Variants in CALD1 observed in about 807,000 individuals in gnomAD.
CALD1 encodes caldesmon 1, also known as caldesmon.
CALD1 carries 33 observed loss-of-function variants against 99.9 expected under a neutral mutation model. That is an observed-to-expected ratio of 0.33 (90% CI 0.25 to 0.44). The LOEUF (loss-of-function observed/expected upper bound fraction) is 0.44. Among genes scored for constraint, CALD1 ranks in the 20% least tolerant of loss-of-function variants. CALD1 has a pLI of 1.00. For missense variants in CALD1, 861 were observed against 962.1 expected, an observed-to-expected ratio of 0.89 and a Z score of 1.39; for synonymous variants, 310 against 325.0, an observed-to-expected ratio of 0.95 and a Z score of 0.50.
intron 1 of CALD1, among the ~76,000 whole-genome samples, chr7:134,812,017 A>T (rs1289466954): frequency 6.6e-6 from 1 of 152,220 alleles, no homozygotes; most frequent in East Asian, 1.9e-4. Flanking sequence ...GAAGTGGATG[A>T]TTTAAATATC....
intron 1 of CALD1, among the ~76,000 whole-genome samples, chr7:134,796,502 T>C (rs1314440099): frequency 6.6e-6 from 1 of 152,182 alleles, no homozygotes; most frequent in Non-Finnish European, 1.5e-5. Flanking sequence ...GAGTTTCCAA[T>C]AATCATCTCA....
At chr7:134,730,321 G>A in the CALD1 span, among the ~76,000 whole-genome samples, 4 of 151,318 alleles carry the variant, frequency 2.6e-5, no homozygotes, top group East Asian at 1.9e-4. Context: ...AAAGAGAACC[G>A]AAAGAAACAA....
chr7:134,744,352 C>T (rs1311712826), exon 1 of CALD1: 1 of 151,968 alleles, frequency 6.6e-6, no homozygotes, highest in Non-Finnish European at 1.5e-5. Context: ...TAGTGTGCAG[C>T]TTGAAATGCA....
At chr7:134,931,168 A>C (rs1264887529) in intron 4 of CALD1, among the ~76,000 whole-genome samples, 1 of 152,230 alleles carries the variant, frequency 6.6e-6, no homozygotes, top group Non-Finnish European at 1.5e-5. Flanking sequence ...AGCCACAAGA[A>C]GAATAAGTCT....
chr7:134,933,644 G>A lies in CALD1; in HGVS notation c.875G>A (p.Arg292Gln), dbSNP rs754746969. Residue 292 changes from arginine (R) to glutamine (Q), a missense_variant, in exon 5 of 15, where the codon CGA (arginine) becomes CAA (glutamine). Arg to Gln is a conservative substitution (Grantham distance 43). Transcript: ENST00000361675. ...CAAGACAAAAAGATAGCAGATGAAC[G>A]AGCAAGAATTGAAGCAGAAGAAAAA... ...AEQDKKIADERARIEAEEKAA... is the reference protein window; with the variant it reads ...AEQDKKIADEQARIEAEEKAA... 3.1e-6 allele frequency: 5 copies of A among 1,607,798 alleles called. No individual in the cohort carries two copies. The East Asian group carries it at 8.9e-5, about 29-fold the overall frequency.
upstream of CALD1, among the ~76,000 whole-genome samples, chr7:134,744,085 CGAG>C (rs1796613783): frequency 6.6e-6 from 1 of 152,104 alleles, no homozygotes; most frequent in African/African-American, 2.4e-5. Flanking sequence ...AGGGGAAGAC[CGAG>C]GAGAGAAGAT....
intron 13 of CALD1, chr7:134,962,525 C>T (rs1223611073): frequency 8.1e-6 from 2 of 248,214 alleles, no homozygotes; most frequent in Non-Finnish European, 1.6e-5. Context: ...TGAGATCCTT[C>T]TTCCCATTAG....
chr7:134,901,890 C>A (rs1056867133), intron 3 of CALD1, among the ~76,000 whole-genome samples: 5 of 152,114 alleles, frequency 3.3e-5, no homozygotes, highest in Admixed American at 2.0e-4. Context: ...ATCCTAATGA[C>A]CTCATCTTGA....
intron 1 of CALD1, among the ~76,000 whole-genome samples, chr7:134,761,366 G>A (rs975903305): frequency 9.9e-5 from 15 of 152,044 alleles, no homozygotes; most frequent in South Asian, 4.2e-4. Context: ...AAAGTTCTGC[G>A]GCTGCTGCTG....
chr7:134,961,542 A>G (rs1808265837), intron 13 of CALD1: 1 of 152,238 alleles, frequency 6.6e-6, no homozygotes, highest in Non-Finnish European at 1.5e-5. Flanking sequence ...CTCCAAAGTC[A>G]TTAAATTTTG....
chr7:134,722,947 C>T, the CALD1 span, among the ~76,000 whole-genome samples: 145 of 152,308 alleles, frequency 9.5e-4, 1 homozygote, highest in Non-Finnish European at 1.2e-3. Flanking sequence ...GAGAGCCCAG[C>T]TGCTCTAGAA....
intron 3 of CALD1, among the ~76,000 whole-genome samples, chr7:134,922,944 A>G (rs1489877603): frequency 6.6e-6 from 1 of 152,216 alleles, no homozygotes; most frequent in Non-Finnish European, 1.5e-5. Flanking sequence ...TTATCTTGTA[A>G]CACCAGGGCC....
intron 3 of CALD1, among the ~76,000 whole-genome samples, chr7:134,904,552 G>A (rs1369321092): frequency 6.6e-6 from 1 of 151,972 alleles, no homozygotes; most frequent in African/African-American, 2.4e-5. Flanking sequence ...GTGACACAGT[G>A]AGATGGTGTC....
At chr7:134,810,466 G>T (rs111336038) in intron 1 of CALD1, among the ~76,000 whole-genome samples, 2 of 152,146 alleles carry the variant, frequency 1.3e-5, no homozygotes, top group Non-Finnish European at 2.9e-5. Flanking sequence ...CATGCATGCT[G>T]TTTTTCAAAG....
chr7:134,718,945 T>C, the CALD1 span, among the ~76,000 whole-genome samples: 4 of 152,188 alleles, frequency 2.6e-5, no homozygotes, highest in Non-Finnish European at 2.9e-5. Flanking sequence ...AATAATTACC[T>C]TTTACTGGGA....
At chr7:134,854,416 T>C (rs2132238887) in intron 2 of CALD1, among the ~76,000 whole-genome samples, 1 of 152,294 alleles carries the variant, frequency 6.6e-6, no homozygotes, top group East Asian at 1.9e-4. Context: ...AATATTTTTA[T>C]TAAAGTTCTC....
At chr7:134,958,162 A>C (rs1410060307) in intron 10 of CALD1, 47 bp from the exon 11 acceptor site, 2 of 1,608,240 alleles carry the variant, frequency 1.2e-6, no homozygotes, top group Non-Finnish European at 1.7e-6. Context: ...CATATGTATG[A>C]GAAGATTCTC....
Position 134,941,115 on chromosome 7 carries a change from G to C in CALD1, c.1410G>C (p.Lys470Asn), listed in dbSNP as rs1388089845. ...KEEIKDEKIKKDKEPKEEVKS... is the reference protein window; with the variant it reads ...KEEIKDEKIKNDKEPKEEVKS... The stretch of plus-strand genomic sequence containing the variant: ...AGATCAAAGATGAAAAGATTAAAAA[G>C]GACAAAGAACCCAAAGAAGAAGTTA... The change falls in exon 7 of 15, where the codon AAG becomes AAC. Residue 470 changes from lysine (K) to asparagine (N), a missense_variant. Transcript: ENST00000361675. 1 of 1,610,092 alleles carries C rather than the reference G, an allele frequency of 6.2e-7. No homozygotes were observed.
chr7:134,935,700 G>A lies in CALD1; in HGVS notation c.1321G>A (p.Gly441Arg). 6.2e-7 allele frequency: 1 copy of A among 1,603,954 alleles called. No individual in the cohort carries two copies. The highest frequency in any genetic ancestry group is 8.5e-7 in the Non-Finnish European group (1 of 1,175,742). The change falls in exon 6 of 15, where the codon GGA (glycine) becomes AGA (arginine). Residue 441 changes from glycine (G) to arginine (R), a missense_variant. Physicochemically the swap from Gly to Arg is moderately radical, Grantham distance 125 (BLOSUM62 -2). Coordinates refer to ENST00000361675, the MANE Select transcript of CALD1 (RefSeq NM_033138.4). ...TGAAAATAAAAAGGGAGAAGAGAAG[G>A]GAACTAAAGTGCAAGCTAAAAGAGA... is the stretch of plus-strand genomic sequence containing the variant. ...AVLKKQGEEK[G>R]TKVQAKREKL... is the part of the protein sequence containing the mutation.
Sources: allele counts gnomAD v4.1 joint callset (sites outside exome capture counted in the v4.1 genomes callset), GRCh38; gene constraint gnomAD v4.1.1; transcripts MANE v1.5; gene names NCBI Gene and HGNC (gene_info 2026-07-23, HGNC 2026-07-21).